HPSE2: variants seen among roughly 807,000 people sequenced by gnomAD.
HPSE2 encodes the protein heparanase 2 (inactive).
Under a neutral mutation model 60.5 loss-of-function variants are expected in HPSE2, and 38 were observed. The ratio of observed to expected loss-of-function variants is 0.63; its 90% CI spans 0.48 to 0.82. The LOEUF (loss-of-function observed/expected upper bound fraction) is 0.82, where lower values mean the gene tolerates loss of function less well. Ranked by LOEUF, HPSE2 falls within the 40% of genes least tolerant of loss-of-function variation. The probability of loss-of-function intolerance (pLI) is 0.00; values close to 1 mark genes in which losing one functional copy is unlikely to be tolerated. For synonymous variants in HPSE2, 295 were observed against 293.2 expected, an observed-to-expected ratio of 1.01 and a Z score of -0.06; for missense variants, 713 against 740.4, an observed-to-expected ratio of 0.96 and a Z score of 0.43.
At chr10:99,080,536 T>C (rs1362429560) in intron 3 of HPSE2, among the ~76,000 whole-genome samples, 2 of 152,226 alleles carry the variant, frequency 1.3e-5, no homozygotes, top group Non-Finnish European at 2.9e-5. Context: ...ATTTATCACA[T>C]TGTTTTACTT....
chr10:98,960,740 AT>A (rs63389761), intron 3 of HPSE2, among the ~76,000 whole-genome samples: 50,240 of 95,694 alleles, frequency 0.53, 10,921 homozygotes, highest in East Asian at 0.6. Flanking sequence ...TTTTTATTTT[AT>A]TTTTTTTTTT....
chr10:99,060,531 GC>G (rs1958214046), intron 3 of HPSE2, among the ~76,000 whole-genome samples: 1 of 151,738 alleles, frequency 6.6e-6, no homozygotes, highest in African/African-American at 2.4e-5. Context: ...GGTGGTGCAT[GC>G]CTATAATCCC....
At chr10:99,043,362 T>C (rs549904466) in intron 3 of HPSE2, among the ~76,000 whole-genome samples, 1 of 152,152 alleles carries the variant, frequency 6.6e-6, no homozygotes, top group South Asian at 2.1e-4. Flanking sequence ...TGGGCACCTG[T>C]AGTTCCAGCT....
chr10:98,950,278 A>C (rs1955316642), intron 3 of HPSE2, among the ~76,000 whole-genome samples: 1 of 152,304 alleles, frequency 6.6e-6, no homozygotes, highest in South Asian at 2.1e-4. Context: ...TTCTGTTCTT[A>C]AGAAGCAAGT....
At chr10:98,822,486 C>T (rs1006250009) in intron 3 of HPSE2, among the ~76,000 whole-genome samples, 10 of 151,436 alleles carry the variant, frequency 6.6e-5, no homozygotes, top group Admixed American at 1.3e-4. Flanking sequence ...ATACTAAGCA[C>T]GAATTTTAAA....
chr10:98,939,098 A>C (rs935943840), intron 3 of HPSE2, among the ~76,000 whole-genome samples: 2 of 144,078 alleles, frequency 1.4e-5, no homozygotes, highest in African/African-American at 5.6e-5. Flanking sequence ...CTAAACATGG[A>C]AAGGAACAAC....
At chr10:98,711,565 G>C (rs1948677181) in intron 5 of HPSE2, among the ~76,000 whole-genome samples, 1 of 152,044 alleles carries the variant, frequency 6.6e-6, no homozygotes, top group African/African-American at 2.4e-5. Context: ...TGGGTAAGTT[G>C]TTTAACTTCC....
chr10:98,847,267 T>G (rs1952056882), intron 3 of HPSE2, among the ~76,000 whole-genome samples: 1 of 152,250 alleles, frequency 6.6e-6, no homozygotes, highest in Non-Finnish European at 1.5e-5. Flanking sequence ...GTAACTCATT[T>G]AATTCTAATC....
In HPSE2 at chr10:99,031,671, A is replaced by G. The variant is rs557557034; in HGVS notation, c.610+112567T>C. Among the ~76,000 whole-genome samples, 34 of 152,354 alleles carry G rather than the reference A, an allele frequency of 2.2e-4. No homozygotes were observed. The South Asian group carries it at 6.6e-3, about 30-fold the overall frequency. On this transcript the variant is annotated intron_variant, in intron 3 of 11. Coordinates refer to ENST00000370552, the MANE Select transcript of HPSE2 (RefSeq NM_021828.5). The stretch of plus-strand genomic sequence containing the variant: ...TAGTGGGAGGAATTCAAAGTTGAGT[A>G]AAGGAAAAGATACAACTAGTTATGG...
At chr10:98,476,135 A>G (rs1461624084) in intron 11 of HPSE2, among the ~76,000 whole-genome samples, 1 of 151,630 alleles carries the variant, frequency 6.6e-6, no homozygotes, top group Non-Finnish European at 1.5e-5. Context: ...ATGGAATACT[A>G]TGCAGCCATA....
At chr10:99,144,955 T>A (rs2135781010) in intron 2 of HPSE2, among the ~76,000 whole-genome samples, 1 of 152,246 alleles carries the variant, frequency 6.6e-6, no homozygotes, top group East Asian at 1.9e-4. Context: ...GTACCTCGAG[T>A]AAAATAGTTT....
chr10:99,155,344 TAGTTGGAAGTA>T (rs1346121282), intron 2 of HPSE2, among the ~76,000 whole-genome samples: 25 of 141,684 alleles, frequency 1.8e-4, no homozygotes, highest in African/African-American at 6.2e-4. Flanking sequence ...ATTGACCACA[TAGTTGGAAGTA>T]AAGCTCTCCT....
intron 3 of HPSE2, among the ~76,000 whole-genome samples, chr10:99,051,070 GA>G (rs1191638781): frequency 6.6e-6 from 1 of 151,868 alleles, no homozygotes; most frequent in Non-Finnish European, 1.5e-5. Flanking sequence ...ACAATTCAGT[GA>G]AAAAAATATA....
chr10:98,874,650 G>A (rs749843549), intron 3 of HPSE2, among the ~76,000 whole-genome samples: 27 of 151,874 alleles, frequency 1.8e-4, no homozygotes, highest in Admixed American at 3.9e-4. Context: ...ATACTATGTC[G>A]AATAGGAATG....
chr10:99,183,769 A>G (rs191481099), intron 2 of HPSE2, among the ~76,000 whole-genome samples: 2 of 152,330 alleles, frequency 1.3e-5, no homozygotes, highest in Non-Finnish European at 2.9e-5. Context: ...CAGAACCACC[A>G]GGAAGAAGTA....
chr10:98,582,496 T>C (rs1944827991), intron 9 of HPSE2, among the ~76,000 whole-genome samples: 1 of 152,176 alleles, frequency 6.6e-6, no homozygotes, highest in Non-Finnish European at 1.5e-5. Flanking sequence ...ATGCATGACT[T>C]GGCAGGTTGC....
At chr10:98,819,024 C>T (rs1001166066) in intron 3 of HPSE2, among the ~76,000 whole-genome samples, 3 of 152,150 alleles carry the variant, frequency 2.0e-5, no homozygotes, top group Non-Finnish European at 4.4e-5. Flanking sequence ...GGTACTTTAA[C>T]ACTATAAAAC....
chr10:99,068,801 C>T (rs1842695179), intron 3 of HPSE2, among the ~76,000 whole-genome samples: 1 of 152,038 alleles, frequency 6.6e-6, no homozygotes, highest in Non-Finnish European at 1.5e-5. Flanking sequence ...ACCACTGATC[C>T]TACAGAAATT....
At chr10:99,077,418 T>C (rs1358936735) in intron 3 of HPSE2, among the ~76,000 whole-genome samples, 1 of 152,176 alleles carries the variant, frequency 6.6e-6, no homozygotes, top group Non-Finnish European at 1.5e-5. Flanking sequence ...TTGTTTTTCT[T>C]TTTGTTCATC....
Sources: allele counts gnomAD v4.1 joint callset (sites outside exome capture counted in the v4.1 genomes callset), GRCh38; gene constraint gnomAD v4.1.1; transcripts MANE v1.5; gene names NCBI Gene and HGNC (gene_info 2026-07-23, HGNC 2026-07-21).